The following ADAM9 variants were observed in gnomAD, a reference collection of about 807,000 sequenced individuals.
ADAM9 encodes the protein ADAM metallopeptidase domain 9.
In ADAM9, 54 loss-of-function variants were observed where a neutral mutation model predicts 108.1. The observed-to-expected ratio is 0.50, with a 90% CI of 0.40 to 0.63. ADAM9 has a LOEUF of 0.63. Ranked by LOEUF, ADAM9 falls within the 20% of genes least tolerant of loss-of-function variation. The pLI, the probability that ADAM9 is intolerant of heterozygous loss-of-function variation, is 0.00. For synonymous variants in ADAM9, 316 were observed against 336.0 expected (o/e 0.94, Z 0.65); for missense variants, 830 against 997.7 (o/e 0.83, Z 2.26).
chr8:39,001,726 G>A (rs1835997616), intron 1 of ADAM9, among the ~76,000 whole-genome samples: 1 of 150,826 alleles, frequency 6.6e-6, no homozygotes, highest in Non-Finnish European at 1.5e-5. Context: ...GGAGTGCAAT[G>A]GCTCGATCTC....
intron 9 of ADAM9, among the ~76,000 whole-genome samples, chr8:39,025,177 G>A (rs886502325): frequency 1.3e-5 from 2 of 151,954 alleles, no homozygotes; most frequent in Admixed American, 6.6e-5. Flanking sequence ...TGTGGCCTCC[G>A]CCTCCCAGGT....
At position 39,103,862 on chromosome 8, in the gene ADAM9, G is replaced by A. The variant is rs1839779782; in HGVS notation, c.*162G>A. On this transcript the variant is annotated 3_prime_UTR_variant, in exon 22 of 22. Coordinates refer to ENST00000487273, the MANE Select transcript of ADAM9 (RefSeq NM_003816.3). ...ACAGAAAAACAGAAACTGAGTGTGA[G>A]AGTTGTGAAATACAAGGAAATGCAG... is the stretch of plus-strand genomic sequence containing the variant. The A allele has an allele frequency of 4.1e-6, 3 of 738,924 alleles. No individual in the cohort carries two copies. The South Asian group carries it at 4.4e-5, about 11-fold the overall frequency. 45.8% of individuals were successfully genotyped at this position (738,924 alleles called of 1,614,324 possible).
At chr8:39,080,764 C>G (rs1334347606) in intron 16 of ADAM9, among the ~76,000 whole-genome samples, 2 of 151,882 alleles carry the variant, frequency 1.3e-5, no homozygotes, top group Non-Finnish European at 2.9e-5. Context: ...AACTCCTCAC[C>G]TTCATTTTTA....
intron 21 of ADAM9, among the ~76,000 whole-genome samples, chr8:39,102,171 TG>T (rs1423643734): frequency 1.3e-5 from 2 of 152,186 alleles, no homozygotes; most frequent in African/African-American, 4.8e-5. Flanking sequence ...ACAGCTTTCA[TG>T]TGCATACGAT....
chr8:39,104,897 G>A lies in ADAM9; in HGVS notation c.*1197G>A, dbSNP rs1326962671. The A allele has an allele frequency of 2.3e-6, 1 of 438,120 alleles. No individual in the cohort carries two copies. Among genetic ancestry groups the A allele is most frequent in the Admixed American group, 2.6e-5 (1 of 38,574 alleles). 27.1% of individuals were successfully genotyped at this position (438,120 alleles called of 1,614,324 possible). On this transcript the variant is annotated 3_prime_UTR_variant, in exon 22 of 22. Coordinates refer to ENST00000487273, the MANE Select transcript of ADAM9 (RefSeq NM_003816.3). ...CCTTTCATAATAAAGTTTAATAATA[G>A]GTTTATTAACTGAATTTCATTAGTT... is the stretch of plus-strand genomic sequence containing the variant.
chr8:39,091,442 T>C (rs981125829), intron 20 of ADAM9, 96 bp downstream of exon 20: 12 of 1,112,778 alleles, frequency 1.1e-5, no homozygotes, highest in African/African-American at 1.6e-5. Flanking sequence ...GCTAGAAACA[T>C]AGATACCTTC....
intron 20 of ADAM9, 76 bp from the exon 21 acceptor site, chr8:39,101,787 A>G (rs1017406686): frequency 8.7e-7 from 1 of 1,146,002 alleles, no homozygotes; most frequent in African/African-American, 1.6e-5. Flanking sequence ...GATTTTAAAT[A>G]TGTAGATTTC....
At chr8:39,001,535 G>C (rs373705106) in intron 1 of ADAM9, among the ~76,000 whole-genome samples, 2 of 151,492 alleles carry the variant, frequency 1.3e-5, no homozygotes, top group East Asian at 3.9e-4. Flanking sequence ...TTTCCCAAAG[G>C]GACACTTAAA....
chr8:39,044,534 G>A (rs1186270684), intron 12 of ADAM9, among the ~76,000 whole-genome samples: 3 of 151,038 alleles, frequency 2.0e-5, no homozygotes, highest in East Asian at 1.9e-4. Context: ...TGGGCTTCTG[G>A]TGTACCCATT....
At chr8:39,072,800 T>G (rs750472685) in intron 15 of ADAM9, among the ~76,000 whole-genome samples, 1 of 152,278 alleles carries the variant, frequency 6.6e-6, no homozygotes, top group African/African-American at 2.4e-5. Flanking sequence ...GCTGTTTGCT[T>G]CTTTTTCATA....
Position 39,085,741 on chromosome 8 carries a change from T to C in ADAM9, c.2068+2668T>C, listed in dbSNP as rs188921281. Among the ~76,000 whole-genome samples the C allele has an allele frequency of 5.3e-3, 809 of 152,288 alleles. 5 individuals carry two copies. The highest frequency in any genetic ancestry group is 7.1e-3 in the Non-Finnish European group (485 of 68,016). On this transcript the variant is annotated intron_variant, in intron 18 of 21. Coordinates refer to ENST00000487273, the MANE Select transcript of ADAM9 (RefSeq NM_003816.3). Reference sequence around the variant, plus strand: ...TCCGTATATGTCTTTTTCTAATCTCTGGTCACTTGTAATGTTTTGCTCTTT... The same window carrying C: ...TCCGTATATGTCTTTTTCTAATCTCCGGTCACTTGTAATGTTTTGCTCTTT...
rs1228720259 is a variant in ADAM9, at chr8:39,104,208, G to T, written c.*508G>T. The T allele has an allele frequency of 4.4e-6, 2 of 453,804 alleles. No homozygotes were observed. The highest frequency in any genetic ancestry group is 4.0e-5 in the African/African-American group (2 of 49,960). 28.1% of individuals were successfully genotyped at this position (453,804 alleles called of 1,614,324 possible). A position where few individuals can be genotyped will look rare whatever the true frequency, so the allele number is the denominator to read the frequency against. ...AATAATCATCATACTCTAGAATCTT[G>T]TCTGTCACTCACTACATGAATAAGC... is the stretch of plus-strand genomic sequence containing the variant. On this transcript the variant is annotated 3_prime_UTR_variant, in exon 22 of 22. Coordinates refer to ENST00000487273, the MANE Select transcript of ADAM9 (RefSeq NM_003816.3).
intron 11 of ADAM9, among the ~76,000 whole-genome samples, chr8:39,028,721 C>A (rs1022867885): frequency 2.0e-5 from 3 of 152,120 alleles, no homozygotes; most frequent in African/African-American, 7.2e-5. Context: ...TGAGTTAGAT[C>A]GACTCACCCT....
chr8:39,039,788 T>G (rs925095831), intron 11 of ADAM9, among the ~76,000 whole-genome samples: 16 of 152,234 alleles, frequency 1.1e-4, no homozygotes, highest in African/African-American at 2.9e-4. Flanking sequence ...ATTCAACTGT[T>G]GACACTTTGT....
intron 1 of ADAM9, among the ~76,000 whole-genome samples, chr8:39,002,880 C>T (rs1472319387): frequency 6.6e-6 from 1 of 152,106 alleles, no homozygotes; most frequent in African/African-American, 2.4e-5. Flanking sequence ...GGAGGTTGCC[C>T]AGGCTGGAGT....
chr8:39,051,360 A>G (rs1837953387), intron 12 of ADAM9, among the ~76,000 whole-genome samples: 1 of 152,134 alleles, frequency 6.6e-6, no homozygotes, highest in African/African-American at 2.4e-5. Context: ...TGGTTTTACA[A>G]TTGCCTGGGA....
intron 1 of ADAM9, among the ~76,000 whole-genome samples, chr8:39,004,613 C>A (rs542768108): frequency 6.6e-6 from 1 of 152,284 alleles, no homozygotes; most frequent in Admixed American, 6.5e-5. Context: ...AAAAGAATGG[C>A]TACTCCACGA....
At chr8:39,017,660 T>G (rs1171242765) in intron 6 of ADAM9, among the ~76,000 whole-genome samples, 1 of 152,198 alleles carries the variant, frequency 6.6e-6, no homozygotes, top group Non-Finnish European at 1.5e-5. Flanking sequence ...GCAACAATGT[T>G]CACTGTGGCC....
intron 14 of ADAM9, among the ~76,000 whole-genome samples, chr8:39,060,148 T>G (rs1229740306): frequency 1.3e-5 from 2 of 152,208 alleles, no homozygotes; most frequent in Non-Finnish European, 2.9e-5. Flanking sequence ...TAAGGCCCAG[T>G]AGCAGGCCAA....
Sources: allele counts gnomAD v4.1 joint callset (sites outside exome capture counted in the v4.1 genomes callset), GRCh38; gene constraint gnomAD v4.1.1; transcripts MANE v1.5; gene names NCBI Gene and HGNC (gene_info 2026-07-23, HGNC 2026-07-21).